ZNF280D: variants seen among roughly 807,000 people sequenced by gnomAD.
The protein encoded by ZNF280D is zinc finger protein 280D.
Under a neutral mutation model 94.7 loss-of-function variants are expected in ZNF280D, and 39 were observed. The observed-to-expected ratio is 0.41, with a 90% confidence interval of 0.32 to 0.54. ZNF280D has a LOEUF of 0.54. Among genes scored for constraint, ZNF280D ranks in the 20% least tolerant of loss-of-function variants. The pLI, the probability that ZNF280D is intolerant of heterozygous loss-of-function variation, is 0.22. For synonymous variants in ZNF280D, 398 were observed against 377.6 expected, an observed-to-expected ratio of 1.05 and a Z score of -0.63; for missense variants, 1,090 against 1,149.3, an observed-to-expected ratio of 0.95 and a Z score of 0.75.
At chr15:56,719,281 G>A (rs760616322) in intron 1 of ZNF280D, among the ~76,000 whole-genome samples, 20 of 151,992 alleles carry the variant, frequency 1.3e-4, no homozygotes, top group South Asian at 2.1e-4. Flanking sequence ...CTGTCCTCAC[G>A]GTAATGAGTG....
intron 10 of ZNF280D, among the ~76,000 whole-genome samples, chr15:56,681,700 AT>A (rs1269225136): frequency 6.6e-6 from 1 of 152,144 alleles, no homozygotes; most frequent in Non-Finnish European, 1.5e-5. Flanking sequence ...AAGCATTCAT[AT>A]ATTCCACTGG....
Position 56,668,878 on chromosome 15 carries a change from T to C in ZNF280D, c.1490A>G (p.His497Arg). Reference sequence around the variant, plus strand: ...TTTAGGTTTTATAAATGTTCGATGGTGTTGAGTCTTATGATCCATTTTCTC... The same window carrying C: ...TTTAGGTTTTATAAATGTTCGATGGCGTTGAGTCTTATGATCCATTTTCTC... ...CKEKMDHKTQ[H>R]HRTFIKPKQL... Residue 497 changes from histidine (H) to arginine (R), a missense_variant, in exon 14 of 22, where the codon CAC becomes CGC. This residue lies in a region of ZNF280D where 577 missense variants were observed against 568.8 expected (regional missense o/e 1.01). Transcript: ENST00000267807. The C allele has an allele frequency of 6.2e-7, 1 of 1,612,320 alleles. No homozygotes were observed. The highest frequency in any genetic ancestry group is 8.5e-7 in the Non-Finnish European group (1 of 1,179,094).
intron 1 of ZNF280D, among the ~76,000 whole-genome samples, chr15:56,722,698 T>C (rs1596681477): frequency 6.6e-6 from 1 of 152,174 alleles, no homozygotes; most frequent in Non-Finnish European, 1.5e-5. Context: ...GAACTAGACA[T>C]ACCATTTGAC....
intron 13 of ZNF280D, among the ~76,000 whole-genome samples, chr15:56,673,040 A>T (rs1288224033): frequency 2.6e-5 from 4 of 152,036 alleles, no homozygotes; most frequent in Non-Finnish European, 5.9e-5. Context: ...GAGAAAAACC[A>T]AAAAATAGAT....
intron 19 of ZNF280D, chr15:56,653,556 G>T: frequency 6.6e-7 from 1 of 1,514,352 alleles, no homozygotes; most frequent in Non-Finnish European, 8.8e-7. Flanking sequence ...CACTGTCCAG[G>T]TATACCCTGG....
intron 1 of ZNF280D, among the ~76,000 whole-genome samples, chr15:56,711,424 G>A (rs1351419616): frequency 3.9e-5 from 6 of 152,128 alleles, no homozygotes; most frequent in African/African-American, 1.4e-4. Flanking sequence ...CAGCACTTTG[G>A]GAGGCCGAGG....
At chr15:56,633,577 G>A (rs529363228) in intron 21 of ZNF280D, among the ~76,000 whole-genome samples, 2 of 151,646 alleles carry the variant, frequency 1.3e-5, no homozygotes, top group South Asian at 4.2e-4. Context: ...TGCAACCTCT[G>A]CCTCCCGGGT....
intron 17 of ZNF280D, among the ~76,000 whole-genome samples, chr15:56,657,410 T>TC (rs2053618533): frequency 6.6e-6 from 1 of 152,174 alleles, no homozygotes; most frequent in Admixed American, 6.5e-5. Context: ...CTTTAAGAGA[T>TC]AGCTTAGCTA....
chr15:56,702,951 A>G (rs1340209973), intron 4 of ZNF280D, among the ~76,000 whole-genome samples: 1 of 148,104 alleles, frequency 6.8e-6, no homozygotes, highest in Non-Finnish European at 1.5e-5. Context: ...ACACACACAC[A>G]CACACACACG....
chr15:56,700,418 A>G lies in ZNF280D; in HGVS notation c.381+515T>C, dbSNP rs1232709076. The G allele has an allele frequency of 4.3e-6, 3 of 694,078 alleles. No homozygotes were observed. The African/African-American group carries it at 5.8e-5, about 14-fold the overall frequency. The allele number at this position is 694,078 out of a possible 1,614,324, so 43.0% of individuals were successfully genotyped here. On this transcript the variant is annotated intron_variant, in intron 6 of 21. Coordinates refer to ENST00000267807, the MANE Select transcript of ZNF280D (RefSeq NM_017661.4). ...CCTATAGCATTTAGCACAAACACTT[A>G]TACATATTAACAGCTCAATGAATGT...
chr15:56,696,842 T>C (rs1174614354), intron 6 of ZNF280D, among the ~76,000 whole-genome samples: 4 of 152,146 alleles, frequency 2.6e-5, no homozygotes, highest in African/African-American at 7.2e-5. Context: ...AAACCTCTCA[T>C]TTTTTAAAAG....
intron 1 of ZNF280D, among the ~76,000 whole-genome samples, chr15:56,725,904 C>T (rs1314767572): frequency 6.6e-6 from 1 of 151,720 alleles, no homozygotes; most frequent in Non-Finnish European, 1.5e-5. Flanking sequence ...ATACATCATC[C>T]CAAAAATTAC....
At chr15:56,733,407 G>C (rs1273891747) in intron 1 of ZNF280D, 51 bp downstream of exon 1, 1 of 977,198 alleles carries the variant, frequency 1.0e-6, no homozygotes, top group Non-Finnish European at 1.2e-6. Flanking sequence ...CCGCGCGGGA[G>C]GGCCTCTGCC....
chr15:56,700,212 T>A (rs569869583), intron 6 of ZNF280D: 4 of 958,130 alleles, frequency 4.2e-6, no homozygotes, highest in Admixed American at 6.2e-5. Context: ...TATGTATGTG[T>A]GCATATACAT....
intron 11 of ZNF280D, 69 bp from the exon 12 acceptor site, chr15:56,677,743 A>G (rs902641479): frequency 1.8e-6 from 1 of 543,124 alleles, no homozygotes; most frequent in Non-Finnish European, 2.8e-6. Flanking sequence ...TTATACATCT[A>G]TATCAACAAC....
chr15:56,711,949 C>T (rs866946609), intron 1 of ZNF280D, among the ~76,000 whole-genome samples: 1 of 152,032 alleles, frequency 6.6e-6, no homozygotes, highest in African/African-American at 2.4e-5. Flanking sequence ...TACTGAATAC[C>T]GCAGGCAATT....
chr15:56,718,888 G>A (rs569185610), intron 1 of ZNF280D, among the ~76,000 whole-genome samples: 1 of 152,198 alleles, frequency 6.6e-6, no homozygotes, highest in Admixed American at 6.5e-5. Flanking sequence ...TGTTTATCTT[G>A]CAGCTATTTT....
intron 16 of ZNF280D, among the ~76,000 whole-genome samples, chr15:56,661,386 A>G (rs1448500949): frequency 1.3e-5 from 2 of 152,216 alleles, no homozygotes; most frequent in African/African-American, 4.8e-5. Flanking sequence ...AGATTTGCCT[A>G]CAGCAAAAGA....
intron 4 of ZNF280D, among the ~76,000 whole-genome samples, chr15:56,702,244 C>T (rs1169348936): frequency 6.6e-6 from 1 of 152,084 alleles, no homozygotes; most frequent in Admixed American, 6.6e-5. Flanking sequence ...TGTTTTCATT[C>T]AGAAATTCAG....
Sources: gnomAD v4.1 joint callset for allele counts (sites outside exome capture counted in the v4.1 genomes callset) on GRCh38, gnomAD v4.1.1 for gene constraint, gnomAD v4.1.1 regional missense constraint, MANE v1.5 for transcripts, NCBI Gene and HGNC (gene_info 2026-07-23, HGNC 2026-07-21) for gene names.